Variants in SPTBN1 observed in about 807,000 individuals in gnomAD.
SPTBN1 encodes spectrin beta chain, non-erythrocytic 1.
SPTBN1 carries 32 observed loss-of-function variants against 266.4 expected under a neutral mutation model. The ratio of observed to expected loss-of-function variants is 0.12; its 90% CI spans 0.09 to 0.16. The LOEUF is 0.16. Among genes scored for constraint, SPTBN1 ranks in the 10% least tolerant of loss-of-function variants. The probability of loss-of-function intolerance (pLI) is 1.00; values close to 1 mark genes in which losing one functional copy is unlikely to be tolerated. For missense variants in SPTBN1, 2,296 were observed against 3,067.1 expected, an observed-to-expected ratio of 0.75 and a Z score of 5.94; for synonymous variants, 1,336 against 1,162.2, an observed-to-expected ratio of 1.15 and a Z score of -3.04.
chr2:54,502,084 C>G (rs1342862862), intron 1 of SPTBN1, among the ~76,000 whole-genome samples: 4 of 152,170 alleles, frequency 2.6e-5, no homozygotes, highest in Non-Finnish European at 2.9e-5. Flanking sequence ...GTGTATTTTT[C>G]TTTTCAGGAT....
chr2:54,497,967 A>G (rs1669055318), intron 1 of SPTBN1, among the ~76,000 whole-genome samples: 3 of 152,174 alleles, frequency 2.0e-5, no homozygotes, highest in Admixed American at 2.0e-4. Flanking sequence ...ATAACAAAGG[A>G]AAAAAACAAG....
Position 54,558,809 on chromosome 2 carries a change from G to A in SPTBN1, c.148+32243G>A, listed in dbSNP as rs774540024. 1.2e-6 allele frequency: 2 copies of A among 1,613,722 alleles called. No individual in the cohort carries two copies. Among genetic ancestry groups the A allele is most frequent in the Admixed American group, 3.3e-5 (2 of 59,968 alleles). On this transcript the variant is annotated intron_variant, in intron 2 of 35. Transcript: ENST00000356805. This position sits in a 1 kb window ranked among gnomAD's most constrained non-coding sequence, Gnocchi z 4.6. Reference sequence around the variant, plus strand: ...ATTGCAGAGGACGTCTAGTATCTCCGGGCCGCTGTCGCCGGCGTACACGGG... The same window carrying A: ...ATTGCAGAGGACGTCTAGTATCTCCAGGCCGCTGTCGCCGGCGTACACGGG...
chr2:54,623,512 C>G lies in SPTBN1; in HGVS notation c.1098C>G (p.Leu366=). The G allele has an allele frequency of 2.5e-6, 4 of 1,614,190 alleles. No homozygotes were observed. Among genetic ancestry groups the G allele is most frequent in the Non-Finnish European group, 3.4e-6 (4 of 1,180,030 alleles). Residue 366 remains leucine (L), a synonymous_variant, in exon 10 of 36, where the codon CTC becomes CTG. Coordinates refer to ENST00000356805, the MANE Select transcript of SPTBN1 (RefSeq NM_003128.3). ...FTEKGNLEVL[L]FTIQSKMRAN... is the part of the protein sequence containing the mutation. ...AGAAGGGGAACTTGGAAGTGCTGCT[C>G]TTCACCATTCAGAGCAAGATGAGGG...
intron 14 of SPTBN1, 37 bp downstream of exon 14, chr2:54,629,840 T>TGTGACCACCAGTGGCCCAGGAG (rs758167093): frequency 1.2e-6 from 2 of 1,612,706 alleles, no homozygotes; most frequent in Middle Eastern, 1.7e-4. Context: ...GCCTGTTCCT[T>TGTGACCACCAGTGGCCCAGGAG]GTGACCACCA....
intron 4 of SPTBN1, among the ~76,000 whole-genome samples, chr2:54,613,712 C>A (rs1189088110): frequency 1.3e-5 from 2 of 152,122 alleles, no homozygotes; most frequent in South Asian, 4.1e-4. Flanking sequence ...GACATTTTTC[C>A]CCAGATAGAA....
intron 1 of SPTBN1, among the ~76,000 whole-genome samples, chr2:54,508,209 AG>A (rs1339264561): frequency 2.6e-5 from 4 of 152,302 alleles, no homozygotes; most frequent in African/African-American, 9.6e-5. Flanking sequence ...GGCCAAACCG[AG>A]GAACTATGTC....
At chr2:54,509,665 G>A (rs1343617921) in intron 1 of SPTBN1, among the ~76,000 whole-genome samples, 2 of 152,182 alleles carry the variant, frequency 1.3e-5, no homozygotes, top group African/African-American at 2.4e-5. Context: ...GATTGAGATT[G>A]GAGTTTAATG....
rs1448716231 is a variant in SPTBN1 at position 54,458,988 on chromosome 2, T to C, written c.-48+2470T>C. 1.3e-5 allele frequency among the ~76,000 whole-genome samples: 2 copies of C among 152,230 alleles called. 1 individual carries two copies. Among genetic ancestry groups the C allele is most frequent in the South Asian group, 4.1e-4 (2 of 4,834 alleles). The stretch of plus-strand genomic sequence containing the variant: ...AGTTTCTCTAATAGCCATTAAAATA[T>C]GAGACTTTTTGTGCTGGTTGTGTAA... On this transcript the variant is annotated intron_variant, in intron 1 of 35. Coordinates refer to ENST00000356805, the MANE Select transcript of SPTBN1 (RefSeq NM_003128.3).
intron 1 of SPTBN1, among the ~76,000 whole-genome samples, chr2:54,486,896 G>GA (rs1668426432): frequency 6.6e-6 from 1 of 152,118 alleles, no homozygotes; most frequent in South Asian, 2.1e-4. Flanking sequence ...TGCTTGTATT[G>GA]AAAAAACTGC....
In SPTBN1 at chr2:54,487,832, C is replaced by CTTTTTTTTTTTTTTTTTTTTTTTTTT. The variant is rs70944169; in HGVS notation, c.-48+31329_-48+31330insTTTTTTTTTTTTTTTTTTTTTTTTTT. ...TTCACTTGATGGTCTCCTCCTGTGT[C>CTTTTTTTTTTTTTTTTTTTTTTTTTT]TTTTTTTTTTTTTTTGAGACGGAGT... On this transcript the variant is annotated intron_variant, in intron 1 of 35. Coordinates refer to ENST00000356805, the MANE Select transcript of SPTBN1 (RefSeq NM_003128.3). Among the ~76,000 whole-genome samples, 204 of 68,648 alleles carry CTTTTTTTTTTTTTTTTTTTTTTTTTT rather than the reference C, an allele frequency of 3.0e-3. 56 individuals carry two copies. Among genetic ancestry groups the CTTTTTTTTTTTTTTTTTTTTTTTTTT allele is most frequent in the Non-Finnish European group, 4.1e-3 (160 of 39,044 alleles). The allele number at this position is 68,648 out of a possible 152,430, so 45.0% of individuals were successfully genotyped here.
chr2:54,500,606 C>T (rs915086232), intron 1 of SPTBN1, among the ~76,000 whole-genome samples: 1 of 152,014 alleles, frequency 6.6e-6, no homozygotes, highest in African/African-American at 2.4e-5. Flanking sequence ...AGTGCAGTGG[C>T]GCAATCATGG....
chr2:54,668,913 C>G lies in SPTBN1; in HGVS notation c.*344C>G, dbSNP rs1012924068. ...GGTATGCAAGGCAGCGGTGCTTAAT[C>G]AATATTTCCTGTGCTCACCAGAGGC... On this transcript the variant is annotated 3_prime_UTR_variant, in exon 36 of 36. Transcript: ENST00000356805. 2.2e-5 allele frequency: 6 copies of G among 273,570 alleles called. No individual in the cohort carries two copies. The highest frequency in any genetic ancestry group is 1.4e-4 in the African/African-American group (6 of 41,416). 16.9% of individuals were successfully genotyped at this position (273,570 alleles called of 1,614,324 possible). A position where few individuals can be genotyped will look rare whatever the true frequency, so the allele number is the denominator to read the frequency against.
chr2:54,482,624 C>G (rs1469423171), intron 1 of SPTBN1, among the ~76,000 whole-genome samples: 4 of 152,216 alleles, frequency 2.6e-5, no homozygotes, highest in Admixed American at 6.5e-5. Flanking sequence ...ATGAAGTAAA[C>G]TGAAACTTCA....
chr2:54,632,281 G>A (rs1245569191), intron 16 of SPTBN1, among the ~76,000 whole-genome samples: 2 of 152,110 alleles, frequency 1.3e-5, no homozygotes, highest in Non-Finnish European at 2.9e-5. Flanking sequence ...CTGTTGCCTT[G>A]ATAGGCACGT....
At chr2:54,564,765 T>C (rs1251636829) in intron 2 of SPTBN1, among the ~76,000 whole-genome samples, 1 of 152,212 alleles carries the variant, frequency 6.6e-6, no homozygotes, top group Admixed American at 6.5e-5. Flanking sequence ...TTGGACTCCC[T>C]TCCTTTTAAG....
intron 1 of SPTBN1, chr2:54,457,255 CCCTCTCTT>C (rs1264190428): frequency 6.6e-6 from 1 of 152,124 alleles, no homozygotes; most frequent in Non-Finnish European, 1.5e-5. Context: ...GCTCCTGCCA[CCCTCTCTT>C]CAACAGGTTT....
chr2:54,658,246 C>T (rs1680812055), intron 30 of SPTBN1, among the ~76,000 whole-genome samples, 200 bp downstream of exon 30: 1 of 152,168 alleles, frequency 6.6e-6, no homozygotes, highest in African/African-American at 2.4e-5. Flanking sequence ...TCCTCAGTCA[C>T]ATCCTGGGCA....
Position 54,664,211 on chromosome 2 carries a change from A to C in SPTBN1, c.6421-242A>C. Reference sequence around the variant, plus strand: ...TTTATTGATCAGAGGAATAGAGTGCAGTAAAACTCATACTGGCATTTCGCT... The same window carrying C: ...TTTATTGATCAGAGGAATAGAGTGCCGTAAAACTCATACTGGCATTTCGCT... On this transcript the variant is annotated intron_variant, in intron 32 of 35. Transcript: ENST00000356805. This position sits in a 1 kb window ranked among gnomAD's most constrained non-coding sequence, Gnocchi z 5.6. 1 of 489,882 alleles carries C rather than the reference A, an allele frequency of 2.0e-6. No individual in the cohort carries two copies. Among genetic ancestry groups the C allele is most frequent in the Non-Finnish European group, 3.6e-6 (1 of 274,384 alleles). 30.3% of individuals were successfully genotyped at this position (489,882 alleles called of 1,614,324 possible).
chr2:54,645,351 G>A lies in SPTBN1; in HGVS notation c.4392G>A (p.Gln1464=). 6.2e-7 allele frequency: 1 copy of A among 1,614,210 alleles called. No homozygotes were observed. Among genetic ancestry groups the A allele is most frequent in the Non-Finnish European group, 8.5e-7 (1 of 1,180,042 alleles). ...TAGACAGCAAGCGCCTCACCGTGCA[G>A]ACCAAGTTCATGGAGTTGCTGGAGC... The part of the protein sequence containing the change: ...DEVDSKRLTV[Q]TKFMELLEPL... Residue 1464 remains glutamine (Q), a synonymous_variant, in exon 21 of 36, where the codon CAG becomes CAA. Transcript: ENST00000356805. This position sits in a 1 kb window ranked among gnomAD's most constrained non-coding sequence, Gnocchi z 4.3.
Sources: allele counts gnomAD v4.1 joint callset (sites outside exome capture counted in the v4.1 genomes callset), GRCh38; gene constraint gnomAD v4.1.1; non-coding constraint Gnocchi (gnomAD v3.1); transcripts MANE v1.5; gene names NCBI Gene and HGNC (gene_info 2026-07-23, HGNC 2026-07-21).